The following STMND1 variants were observed in gnomAD, a reference collection of about 807,000 sequenced individuals.
STMND1 encodes the protein stathmin domain containing 1, also known as stathmin domain-containing protein 1.
Under a neutral mutation model 23.0 loss-of-function variants are expected in STMND1, and 17 were observed. The ratio of observed to expected loss-of-function variants is 0.74; its 90% confidence interval spans 0.51 to 1.11. STMND1 has a LOEUF of 1.11. Ranked by LOEUF, STMND1 falls within the 50% of genes least tolerant of loss-of-function variation. STMND1 has a pLI of 0.00. For missense variants in STMND1, 305 were observed against 329.1 expected (o/e 0.93, Z 0.57); for synonymous variants, 114 against 119.9 (o/e 0.95, Z 0.32).
At chr6:17,110,377 C>G (rs183395392) in intron 1 of STMND1, 1 of 159,754 alleles carries the variant, frequency 6.3e-6, no homozygotes, top group East Asian at 1.8e-4. Context: ...GACCCTGTCT[C>G]TAAAAAAAAG....
At chr6:17,103,566 CTTTTTTT>C (rs68161737) in intron 1 of STMND1, among the ~76,000 whole-genome samples, 2 of 82,102 alleles carry the variant, frequency 2.4e-5, no homozygotes, top group African/African-American at 1.0e-4. Context: ...GACCCATTAC[CTTTTTTT>C]TTTTTTTTTT....
chr6:17,130,738 T>C lies in STMND1; in HGVS notation c.688T>C (p.Ser230Pro). The C allele has an allele frequency of 2.0e-6, 3 of 1,536,072 alleles. No individual in the cohort carries two copies. In the Middle Eastern group the frequency reaches 5.0e-4, roughly 256 times the overall value. Reference protein sequence around the residue: ...QRVRSAGFEPSDLQGGKPLKR... With the variant: ...QRVRSAGFEPPDLQGGKPLKR... Reference sequence around the variant, plus strand: ...GGTGAGGTCTGCTGGATTTGAACCATCTGACCTGCAGGGAGGAAAACCATT... The same window carrying C: ...GGTGAGGTCTGCTGGATTTGAACCACCTGACCTGCAGGGAGGAAAACCATT... Residue 230 changes from serine (S) to proline (P), a missense_variant, in exon 5 of 5, where the codon TCT becomes CCT. Physicochemically the swap from Ser to Pro is moderately conservative, Grantham distance 74. Transcript: ENST00000536551.
chr6:17,110,217 C>T (rs1408906375), intron 1 of STMND1, among the ~76,000 whole-genome samples: 2 of 152,186 alleles, frequency 1.3e-5, no homozygotes, highest in Non-Finnish European at 2.9e-5. Flanking sequence ...TACAGCAAGG[C>T]TTTGCTGCAG....
chr6:17,105,032 A>G (rs1761002833), intron 1 of STMND1, among the ~76,000 whole-genome samples: 1 of 152,358 alleles, frequency 6.6e-6, no homozygotes, highest in South Asian at 2.1e-4. Context: ...TGCCTTAAAC[A>G]TACAGTACAA....
At chr6:17,122,359 A>G (rs567932615) in intron 3 of STMND1, among the ~76,000 whole-genome samples, 1 of 152,310 alleles carries the variant, frequency 6.6e-6, no homozygotes, top group South Asian at 2.1e-4. Context: ...AAAAGAAGCC[A>G]GAGAATAAAT....
At chr6:17,119,642 G>C (rs1761203883) in intron 2 of STMND1, among the ~76,000 whole-genome samples, 1 of 151,868 alleles carries the variant, frequency 6.6e-6, no homozygotes, top group Non-Finnish European at 1.5e-5. Flanking sequence ...GGAGGTTGCA[G>C]TGAGATGAGA....
At chr6:17,102,667 CG>C (rs1395279605) in intron 1 of STMND1, among the ~76,000 whole-genome samples, 1 of 152,090 alleles carries the variant, frequency 6.6e-6, no homozygotes, top group African/African-American at 2.4e-5. Flanking sequence ...AAGGAATAAC[CG>C]GATGAGCAGC....
Position 17,131,164 on chromosome 6 carries a change from A to G in STMND1, c.*283A>G. The G allele has an allele frequency of 3.2e-6, 1 of 314,672 alleles. No individual in the cohort carries two copies. Among genetic ancestry groups the G allele is most frequent in the South Asian group, 1.2e-4 (1 of 8,122 alleles). The allele number at this position is 314,672 out of a possible 1,614,324, so 19.5% of individuals were successfully genotyped here. On this transcript the variant is annotated 3_prime_UTR_variant, in exon 5 of 5. Transcript: ENST00000536551. ...ATGGAGATGTCTTTAATTCATTTAT[A>G]AGTGCCTTCAGTTTACATTAATAAG...
chr6:17,120,301 G>C (rs372881673), intron 2 of STMND1, among the ~76,000 whole-genome samples: 1 of 152,126 alleles, frequency 6.6e-6, no homozygotes, highest in African/African-American at 2.4e-5. Flanking sequence ...CAACGTTGTC[G>C]TACCCAAGTG....
chr6:17,129,721 G>A (rs1761361901), intron 4 of STMND1, among the ~76,000 whole-genome samples: 1 of 152,042 alleles, frequency 6.6e-6, no homozygotes, highest in Admixed American at 6.5e-5. Flanking sequence ...GCGGGCGCCT[G>A]TAGTCCCAGC....
intron 1 of STMND1, among the ~76,000 whole-genome samples, chr6:17,107,758 G>A (rs181503672): frequency 6.6e-6 from 1 of 152,220 alleles, no homozygotes; most frequent in Admixed American, 6.5e-5. Context: ...CATCATGCCC[G>A]GCTAATTTTT....
At chr6:17,102,528 A>G (rs559190858) in intron 1 of STMND1, among the ~76,000 whole-genome samples, 190 bp downstream of exon 1, 5 of 152,316 alleles carry the variant, frequency 3.3e-5, no homozygotes, top group Non-Finnish European at 7.3e-5. Flanking sequence ...AGACGGATGC[A>G]TAAATATCAA....
Position 17,102,206 on chromosome 6 carries a change from C to G in STMND1, c.-52C>G, listed in dbSNP as rs1368757142. 6 of 1,483,264 alleles carry G rather than the reference C, an allele frequency of 4.0e-6. No homozygotes were observed. Among genetic ancestry groups the G allele is most frequent in the African/African-American group, 2.9e-5 (2 of 68,744 alleles). The allele number at this position is 1,483,264 out of a possible 1,614,324, so 91.9% of individuals were successfully genotyped here. On this transcript the variant is annotated 5_prime_UTR_variant, in exon 1 of 5. Transcript: ENST00000536551. ...GCGCCGGAGCGCGGCAGGGAGCGCT[C>G]GCGGGGGCGCACAGCAGCCAAGCCC...
intron 3 of STMND1, among the ~76,000 whole-genome samples, chr6:17,126,055 TATATA>T (rs1761293663): frequency 6.0e-5 from 2 of 33,142 alleles, no homozygotes; most frequent in Admixed American, 3.7e-4. Context: ...TATATATATA[TATATA>T]TATATATATA....
At chr6:17,109,144 A>T (rs1314677852) in intron 1 of STMND1, among the ~76,000 whole-genome samples, 1 of 152,188 alleles carries the variant, frequency 6.6e-6, no homozygotes, top group Non-Finnish European at 1.5e-5. Flanking sequence ...AGACAGAGAA[A>T]AGCACATCGT....
intron 1 of STMND1, among the ~76,000 whole-genome samples, chr6:17,112,677 T>G (rs1420789633): frequency 1.3e-5 from 2 of 152,050 alleles, no homozygotes; most frequent in Admixed American, 1.3e-4. Flanking sequence ...CTCAGGAGGC[T>G]GAGGCAGGAG....
At chr6:17,118,442 T>C (rs1477903173) in intron 2 of STMND1, among the ~76,000 whole-genome samples, 1 of 151,624 alleles carries the variant, frequency 6.6e-6, no homozygotes, top group African/African-American at 2.4e-5. Flanking sequence ...TAACTATCAC[T>C]TTTATAATCA....
intron 2 of STMND1, among the ~76,000 whole-genome samples, chr6:17,119,350 G>A (rs533404381): frequency 1.3e-5 from 2 of 152,232 alleles, no homozygotes; most frequent in South Asian, 4.2e-4. Context: ...GTGCGTCTGT[G>A]TGTATGTTTT....
intron 1 of STMND1, among the ~76,000 whole-genome samples, chr6:17,103,566 CTTTTT>C (rs68161737): frequency 1.2e-5 from 1 of 82,100 alleles, no homozygotes; most frequent in Non-Finnish European, 2.2e-5. Flanking sequence ...GACCCATTAC[CTTTTT>C]TTTTTTTTTT....
Sources: allele counts gnomAD v4.1 joint callset (sites outside exome capture counted in the v4.1 genomes callset), GRCh38; gene constraint gnomAD v4.1.1; transcripts MANE v1.5; gene names NCBI Gene and HGNC (gene_info 2026-07-23, HGNC 2026-07-21).